The following RASGRF1 variants were observed in gnomAD, a reference collection of about 807,000 sequenced individuals.
RASGRF1 encodes the protein ras-specific guanine nucleotide-releasing factor 1.
RASGRF1 carries 40 observed loss-of-function variants against 138.7 expected under a neutral mutation model. The observed-to-expected ratio is 0.29, with a 90% CI of 0.22 to 0.38. The LOEUF (loss-of-function observed/expected upper bound fraction) is 0.38, where lower values mean the gene tolerates loss of function less well. Ranked by LOEUF, RASGRF1 falls within the 10% of genes least tolerant of loss-of-function variation. RASGRF1 has a pLI of 1.00. For missense variants in RASGRF1, 1,108 were observed against 1,650.4 expected, an observed-to-expected ratio of 0.67 and a Z score of 5.69; for synonymous variants, 614 against 663.2, an observed-to-expected ratio of 0.93 and a Z score of 1.14.
chr15:79,072,421 G>A (rs553035556), intron 1 of RASGRF1, among the ~76,000 whole-genome samples: 79 of 151,728 alleles, frequency 5.2e-4, no homozygotes, highest in African/African-American at 1.7e-3. Flanking sequence ...GACTACAGGC[G>A]TCTGCCACCA....
chr15:79,037,891 G>T (rs2057244311), intron 5 of RASGRF1, among the ~76,000 whole-genome samples: 1 of 151,988 alleles, frequency 6.6e-6, no homozygotes, highest in African/African-American at 2.4e-5. Flanking sequence ...GGGAGACAGT[G>T]ACAGATCATC....
intron 23 of RASGRF1, among the ~76,000 whole-genome samples, chr15:78,983,639 G>T (rs147752748): frequency 2.6e-5 from 4 of 152,232 alleles, no homozygotes; most frequent in Non-Finnish European, 5.9e-5. Context: ...CCCCCAGACT[G>T]TGGCAAGGGC....
intron 13 of RASGRF1, among the ~76,000 whole-genome samples, chr15:79,010,339 T>C (rs554262131): frequency 1.2e-4 from 19 of 152,256 alleles, no homozygotes; most frequent in African/African-American, 4.6e-4. Flanking sequence ...CACCCGGCAA[T>C]ATTTCCAATA....
chr15:79,053,849 C>T (rs2057469806), intron 3 of RASGRF1, among the ~76,000 whole-genome samples: 1 of 152,180 alleles, frequency 6.6e-6, no homozygotes, highest in African/African-American at 2.4e-5. Flanking sequence ...CAGTTGCTGT[C>T]TCGAAGTTTT....
intron 13 of RASGRF1, among the ~76,000 whole-genome samples, chr15:79,007,795 C>T (rs975916065): frequency 6.6e-6 from 1 of 151,886 alleles, no homozygotes; most frequent in East Asian, 1.9e-4. Context: ...TCAAGCAATC[C>T]TCCTGCCTTG....
In RASGRF1 at chr15:78,991,666, G is replaced by A. The variant is rs900992657; in HGVS notation, c.3131+25C>T. 4.4e-6 allele frequency: 7 copies of A among 1,580,476 alleles called. No individual in the cohort carries two copies. In the African/African-American group the frequency reaches 6.7e-5, roughly 15 times the overall value. ...GACAGTGCCTGAGGAAGCGGGGGGA[G>A]GCGGGTGGTGCCTGCAACACTTACT... On this transcript the variant is annotated intron_variant, in intron 21 of 26. Coordinates refer to ENST00000558480, the MANE Select transcript of RASGRF1 (RefSeq NM_001145648.3).
chr15:79,080,131 T>TG (rs2057895587), intron 1 of RASGRF1, among the ~76,000 whole-genome samples: 1 of 152,148 alleles, frequency 6.6e-6, no homozygotes, highest in African/African-American at 2.4e-5. Flanking sequence ...AGGCAATGAC[T>TG]ATCTCATAAC....
chr15:79,085,760 G>A (rs1315602358), intron 1 of RASGRF1, among the ~76,000 whole-genome samples: 1 of 152,096 alleles, frequency 6.6e-6, no homozygotes, highest in African/African-American at 2.4e-5. Context: ...GGAGAGAGGC[G>A]AGCTCCCTAC....
chr15:79,021,085 T>A (rs2056954866), intron 10 of RASGRF1, among the ~76,000 whole-genome samples: 1 of 152,188 alleles, frequency 6.6e-6, no homozygotes. Context: ...CCGGCCCCAG[T>A]TGAACCTTCG....
intron 1 of RASGRF1, among the ~76,000 whole-genome samples, chr15:79,072,983 T>C (rs1379708090): frequency 6.6e-6 from 1 of 152,190 alleles, no homozygotes; most frequent in East Asian, 1.9e-4. Context: ...CACATAGGCT[T>C]GCCTGGATCC....
At chr15:79,088,428 T>C (rs2058010069) in intron 1 of RASGRF1, among the ~76,000 whole-genome samples, 1 of 152,200 alleles carries the variant, frequency 6.6e-6, no homozygotes, top group Admixed American at 6.5e-5. Context: ...ATTTTGTAGA[T>C]TACAAAATGG....
At chr15:79,001,001 C>T (rs1252662263) in intron 16 of RASGRF1, among the ~76,000 whole-genome samples, 2 of 152,172 alleles carry the variant, frequency 1.3e-5, no homozygotes, top group East Asian at 3.8e-4. Flanking sequence ...CCCCTGGGAG[C>T]TCTCTCTCAC....
chr15:79,069,672 C>G (rs777639852), intron 1 of RASGRF1, among the ~76,000 whole-genome samples: 5 of 152,154 alleles, frequency 3.3e-5, no homozygotes, highest in Non-Finnish European at 7.4e-5. Context: ...ACTATAAATG[C>G]TGGTGTTTCT....
chr15:79,027,536 T>C lies in RASGRF1; in HGVS notation c.1381+205A>G, dbSNP rs952360166. ...GAGAGAAGGAAACTGTGAAAACCAA[T>C]AATATCTGCATCTATATGTATAGAT... is the stretch of plus-strand genomic sequence containing the variant. On this transcript the variant is annotated intron_variant, in intron 9 of 26. Transcript: ENST00000558480. This position sits in a 1 kb window ranked among gnomAD's most constrained non-coding sequence, Gnocchi z 4.8. 6.6e-5 allele frequency among the ~76,000 whole-genome samples: 10 copies of C among 152,206 alleles called. No individual in the cohort carries two copies. Among genetic ancestry groups the C allele is most frequent in the Non-Finnish European group, 1.3e-4 (9 of 68,042 alleles).
intron 22 of RASGRF1, 90 bp downstream of exon 22, chr15:78,990,099 G>A (rs1342240444): frequency 1.8e-6 from 2 of 1,097,314 alleles, no homozygotes; most frequent in South Asian, 1.2e-5. Context: ...TCTGGTTCCA[G>A]CCAGGTGTAT....
At chr15:78,967,619 A>G (rs1307814571) in intron 26 of RASGRF1, among the ~76,000 whole-genome samples, 2 of 152,212 alleles carry the variant, frequency 1.3e-5, no homozygotes, top group African/African-American at 2.4e-5. Flanking sequence ...TTAAAGTTAC[A>G]TATGTAGCTT....
At chr15:78,993,488 G>T (rs896403179) in intron 20 of RASGRF1, among the ~76,000 whole-genome samples, 2 of 152,000 alleles carry the variant, frequency 1.3e-5, no homozygotes, top group Non-Finnish European at 2.9e-5. Flanking sequence ...CAGGAACATG[G>T]GTGTTGGGGG....
At chr15:79,074,765 G>A (rs747523824) in intron 1 of RASGRF1, among the ~76,000 whole-genome samples, 68 of 152,174 alleles carry the variant, frequency 4.5e-4, no homozygotes, top group Admixed American at 2.0e-3. Context: ...GGCCGCACCC[G>A]ATTTTGCTAC....
chr15:78,986,220 T>C (rs1595871853), intron 22 of RASGRF1, among the ~76,000 whole-genome samples: 1 of 152,022 alleles, frequency 6.6e-6, no homozygotes, highest in African/African-American at 2.4e-5. Flanking sequence ...CAAATGTAGG[T>C]TGGATCTGGA....
Sources: allele counts gnomAD v4.1 joint callset (sites outside exome capture counted in the v4.1 genomes callset), GRCh38; gene constraint gnomAD v4.1.1; non-coding constraint Gnocchi (gnomAD v3.1); transcripts MANE v1.5; gene names NCBI Gene and HGNC (gene_info 2026-07-23, HGNC 2026-07-21).